NEBL: variants seen among roughly 807,000 people sequenced by gnomAD.
NEBL encodes nebulette, also known as LIM and SH3 protein 2.
A neutral mutation model predicts 140.2 loss-of-function variants in NEBL; 122 were observed. That is an observed-to-expected ratio of 0.87 (90% CI 0.75 to 1.01). The LOEUF is 1.01. NEBL is among the 50% of genes least tolerant of loss of function. NEBL has a pLI of 0.00. For missense variants in NEBL, 1,365 were observed against 1,231.3 expected (o/e 1.11, Z -1.62); for synonymous variants, 436 against 398.9 (o/e 1.09, Z -1.11).
intron 2 of NEBL, among the ~76,000 whole-genome samples, chr10:20,895,916 A>G (rs1847430546): frequency 6.6e-6 from 1 of 152,136 alleles, no homozygotes; most frequent in Admixed American, 6.5e-5. Context: ...CCATTATTTA[A>G]TCTTATTATA....
intron 2 of NEBL, among the ~76,000 whole-genome samples, chr10:21,059,243 G>A (rs1244363882): frequency 2.0e-5 from 3 of 152,186 alleles, no homozygotes; most frequent in African/African-American, 7.2e-5. Flanking sequence ...TTTTCTGGGT[G>A]CCATTCCACC....
At chr10:21,071,891 T>C (rs534414555) in intron 2 of NEBL, among the ~76,000 whole-genome samples, 304 of 152,272 alleles carry the variant, frequency 2.0e-3, no homozygotes, top group African/African-American at 6.4e-3. Context: ...CAATCTTGGC[T>C]CACTGCAGCC....
chr10:21,280,673 T>C (rs1201940016), intron 1 of NEBL, among the ~76,000 whole-genome samples: 1 of 122,552 alleles, frequency 8.2e-6, no homozygotes, highest in East Asian at 2.9e-4. Flanking sequence ...AGTGGTGCAA[T>C]CCTAGCTCAC....
intron 9 of NEBL, among the ~76,000 whole-genome samples, chr10:20,857,025 C>T (rs1172184297): frequency 3.9e-5 from 6 of 152,092 alleles, no homozygotes; most frequent in African/African-American, 9.7e-5. Flanking sequence ...GACGAGGTTT[C>T]ACCATGTTGG....
chr10:20,892,754 A>G (rs1164882586), intron 2 of NEBL, among the ~76,000 whole-genome samples: 1 of 152,196 alleles, frequency 6.6e-6, no homozygotes, highest in Admixed American at 6.5e-5. Flanking sequence ...TGAGTATGAG[A>G]TTAGCTAAAG....
chr10:21,046,099 T>C (rs117109958), intron 2 of NEBL, among the ~76,000 whole-genome samples: 3,469 of 152,166 alleles, frequency 0.023, 57 homozygotes, highest in South Asian at 0.054. Flanking sequence ...GGATAAAACC[T>C]GGAGGGCATT....
intron 2 of NEBL, among the ~76,000 whole-genome samples, chr10:21,028,254 A>G (rs10828177): frequency 0.037 from 2,554 of 69,942 alleles, 171 homozygotes; most frequent in African/African-American, 0.091. Context: ...AAAAAAAAAA[A>G]AAGAAGAAGA....
chr10:20,936,060 C>G (rs925221295), intron 4 of NEBL, among the ~76,000 whole-genome samples: 1 of 152,212 alleles, frequency 6.6e-6, no homozygotes, highest in South Asian at 2.1e-4. Context: ...GCTGCTACTT[C>G]TACAAATTCA....
chr10:20,943,413 G>T (rs1834994883), intron 4 of NEBL, among the ~76,000 whole-genome samples: 1 of 152,142 alleles, frequency 6.6e-6, no homozygotes, highest in Non-Finnish European at 1.5e-5. Flanking sequence ...ACACAGGAAG[G>T]GGAACATCAC....
In NEBL at chr10:21,054,920, G is replaced by T. The variant is rs77803502; in HGVS notation, c.165-34719C>A. On this transcript the variant is annotated intron_variant, in intron 2 of 6. Coordinates refer to the NEBL transcript ENST00000417816. ...AAGTGCTAATATAAACACAAAGACA[G>T]ATTTCAATGCTTTAGTATTACTTTA... 8.1e-3 allele frequency among the ~76,000 whole-genome samples: 1,228 copies of T among 152,240 alleles called. 12 individuals carry two copies. Among genetic ancestry groups the T allele is most frequent in the Non-Finnish European group, 0.012 (839 of 68,014 alleles).
At chr10:20,931,263 GA>G (rs1188558122) in intron 4 of NEBL, among the ~76,000 whole-genome samples, 11 of 152,022 alleles carry the variant, frequency 7.2e-5, no homozygotes, top group Non-Finnish European at 1.6e-4. Context: ...TCTGCAATGA[GA>G]TTTTTAAAAA....
intron 1 of NEBL, among the ~76,000 whole-genome samples, chr10:21,262,795 A>C (rs1363861357): frequency 6.6e-6 from 1 of 152,114 alleles, no homozygotes; most frequent in African/African-American, 2.4e-5. Flanking sequence ...CTCCATGATA[A>C]TTGGCTGGTG....
intron 3 of NEBL, among the ~76,000 whole-genome samples, chr10:21,216,377 C>A (rs564285047): frequency 6.6e-6 from 1 of 152,072 alleles, no homozygotes; most frequent in Admixed American, 6.5e-5. Flanking sequence ...ACTTTTTGGC[C>A]GGGTGCAGTA....
chr10:21,097,248 C>A (rs1466111670), intron 2 of NEBL, among the ~76,000 whole-genome samples: 2 of 146,564 alleles, frequency 1.4e-5, no homozygotes, highest in South Asian at 2.1e-4. Flanking sequence ...ATCACAAGGT[C>A]AGGGGTTCGA....
chr10:20,911,549 G>C (rs1041469139), intron 4 of NEBL, among the ~76,000 whole-genome samples: 2 of 152,144 alleles, frequency 1.3e-5, no homozygotes, highest in African/African-American at 4.8e-5. Context: ...ATTTTTAACT[G>C]TTATAAAACC....
At chr10:20,797,049 C>T (rs1026454550) in intron 26 of NEBL, among the ~76,000 whole-genome samples, 1 of 152,200 alleles carries the variant, frequency 6.6e-6, no homozygotes, top group South Asian at 2.1e-4. Flanking sequence ...GAACATACAA[C>T]TGGCAGGTAG....
chr10:20,987,188 T>TC (rs1002872287), intron 3 of NEBL, among the ~76,000 whole-genome samples: 1 of 152,024 alleles, frequency 6.6e-6, no homozygotes, highest in African/African-American at 2.4e-5. Context: ...GATCATTGCT[T>TC]CTTTTTTTTT....
At chr10:21,236,920 A>AT (rs1842360744) in intron 3 of NEBL, among the ~76,000 whole-genome samples, 2 of 152,202 alleles carry the variant, frequency 1.3e-5, no homozygotes, top group African/African-American at 4.8e-5. Context: ...AGGTACTATT[A>AT]TTATTCCCCC....
chr10:21,056,917 C>T (rs906546729), intron 2 of NEBL, among the ~76,000 whole-genome samples: 1 of 152,002 alleles, frequency 6.6e-6, no homozygotes. Context: ...TTCTTAAGCT[C>T]GGAGTCAAAG....
Sources: allele counts gnomAD v4.1 joint callset (sites outside exome capture counted in the v4.1 genomes callset), GRCh38; gene constraint gnomAD v4.1.1; transcripts MANE v1.5; gene names NCBI Gene and HGNC (gene_info 2026-07-23, HGNC 2026-07-21).